GLE1: variants seen among roughly 807,000 people sequenced by gnomAD.
GLE1 encodes the protein mRNA export factor GLE1.
Under a neutral mutation model 97.3 loss-of-function variants are expected in GLE1, and 78 were observed. The observed-to-expected ratio is 0.80, with a 90% CI of 0.67 to 0.97. The LOEUF (loss-of-function observed/expected upper bound fraction) is 0.97. GLE1 is among the 50% of genes least tolerant of loss of function. The pLI is 0.00. For missense variants in GLE1, 753 were observed against 857.5 expected (o/e 0.88, Z 1.52); for synonymous variants, 302 against 313.4 (o/e 0.96, Z 0.39).
At chr9:128,533,453 GGAAA>G (rs1847588775) in intron 9 of GLE1, 56 bp from the exon 10 acceptor site, 10 of 879,456 alleles carry the variant, frequency 1.1e-5, no homozygotes, top group Non-Finnish European at 1.7e-5. Flanking sequence ...AAAAAAAAAA[GGAAA>G]AGAAAAAGAG....
intron 2 of GLE1, among the ~76,000 whole-genome samples, chr9:128,511,466 G>A (rs1461383615): frequency 6.6e-6 from 1 of 151,680 alleles, no homozygotes; most frequent in Non-Finnish European, 1.5e-5. Flanking sequence ...CCAGCACTTT[G>A]GGAGGCCAAG....
chr9:128,533,681 TG>T, intron 10 of GLE1, 26 bp downstream of exon 10: 1 of 1,613,810 alleles, frequency 6.2e-7, no homozygotes, highest in Non-Finnish European at 8.5e-7. Flanking sequence ...GCTAGAGGTA[TG>T]GGAAGCAGAG....
At chr9:128,506,764 A>G (rs1846651667) in intron 1 of GLE1, among the ~76,000 whole-genome samples, 1 of 152,242 alleles carries the variant, frequency 6.6e-6, no homozygotes, top group African/African-American at 2.4e-5. Flanking sequence ...TTGTGTGTAC[A>G]TATATATTAT....
chr9:128,523,850 A>AC lies in GLE1; in HGVS notation c.897+4_897+5insC, dbSNP rs539582386. The AC allele has an allele frequency of 4.0e-5, 65 of 1,613,800 alleles. No individual in the cohort carries two copies. The African/African-American group carries it at 8.3e-4, about 21-fold the overall frequency. On this transcript the variant is annotated splice_donor_region_variant and intron_variant, in intron 6 of 15. Transcript: ENST00000309971. ...GATCATCCGGGCCTCTTCAGAGGTG[A>AC]GGGGGGCTTCAGAGTGACTCTTTGC...
At chr9:128,520,140 C>G (rs1276430104) in intron 3 of GLE1, among the ~76,000 whole-genome samples, 1 of 151,914 alleles carries the variant, frequency 6.6e-6, no homozygotes, top group Admixed American at 6.6e-5. Flanking sequence ...AACCCAGCTA[C>G]TTGGGAGGCT....
At chr9:128,532,147 G>A (rs997908807) in intron 9 of GLE1, among the ~76,000 whole-genome samples, 6 of 145,872 alleles carry the variant, frequency 4.1e-5, no homozygotes, top group Non-Finnish European at 9.0e-5. Flanking sequence ...TGGAGATGCT[G>A]TATTAATTAA....
chr9:128,506,746 C>T (rs1260628828), intron 1 of GLE1, among the ~76,000 whole-genome samples: 1 of 151,540 alleles, frequency 6.6e-6, no homozygotes, highest in Non-Finnish European at 1.5e-5. Flanking sequence ...CATTTATGTA[C>T]TGTCTATTTG....
At chr9:128,536,852 G>A (rs1847727697) in intron 12 of GLE1, 2 of 227,196 alleles carry the variant, frequency 8.8e-6, no homozygotes, top group South Asian at 5.9e-5. Context: ...GACAGAACAA[G>A]CTCAGAAAGC....
chr9:128,516,925 A>G (rs781342445), intron 3 of GLE1, among the ~76,000 whole-genome samples: 1 of 151,538 alleles, frequency 6.6e-6, no homozygotes, highest in African/African-American at 2.4e-5. Context: ...TGCGCCCAGC[A>G]TGTATTTTTT....
In GLE1 at chr9:128,508,926, A is replaced by T. The variant is rs550698804; in HGVS notation, c.150A>T (p.Gly50=). ...TTCCCAAGCTATCTTCTTATTCTGG[A>T]TGGGTGGTAGAGCACGTCCTACCCC... ...MSLPKLSSYS[G]WVVEHVLPHM... The change falls in exon 2 of 16, where the codon GGA becomes GGT. Residue 50 remains glycine, a synonymous_variant. Transcript: ENST00000309971. The T allele has an allele frequency of 6.2e-7, 1 of 1,611,872 alleles. No individual in the cohort carries two copies. The highest frequency in any genetic ancestry group is 8.5e-7 in the Non-Finnish European group (1 of 1,178,110).
intron 12 of GLE1, among the ~76,000 whole-genome samples, chr9:128,537,303 A>C (rs1398094670): frequency 6.6e-6 from 1 of 151,836 alleles, no homozygotes; most frequent in Admixed American, 6.6e-5. Flanking sequence ...AAATACAAAA[A>C]TTAGCTGGGC....
At chr9:128,508,810 C>T (rs973529054) in intron 1 of GLE1, 66 bp from the exon 2 acceptor site, 4 of 892,314 alleles carry the variant, frequency 4.5e-6, no homozygotes, top group Admixed American at 1.7e-5. Context: ...TTCAGTAAGG[C>T]ATGTAGTGGA....
At chr9:128,506,789 A>G (rs1330160332) in intron 1 of GLE1, among the ~76,000 whole-genome samples, 1 of 152,228 alleles carries the variant, frequency 6.6e-6, no homozygotes, top group Non-Finnish European at 1.5e-5. Flanking sequence ...CCATGACTTC[A>G]TACTGATAAA....
intron 9 of GLE1, among the ~76,000 whole-genome samples, chr9:128,533,197 G>A (rs906671142): frequency 6.6e-6 from 1 of 151,884 alleles, no homozygotes; most frequent in Non-Finnish European, 1.5e-5. Context: ...GCCAAAGCGG[G>A]CGGATCACTT....
At chr9:128,508,787 G>A in intron 1 of GLE1, 89 bp from the exon 2 acceptor site, 2 of 801,534 alleles carry the variant, frequency 2.5e-6, no homozygotes, top group South Asian at 2.7e-5. Context: ...ATTTATTTAG[G>A]CCTTCTTAGA....
At chr9:128,536,044 C>CT (rs925080715) in intron 11 of GLE1, among the ~76,000 whole-genome samples, 7 of 151,804 alleles carry the variant, frequency 4.6e-5, no homozygotes, top group East Asian at 1.9e-4. Context: ...TTTCTTATTT[C>CT]TTTTTTTTGA....
At chr9:128,508,833 C>G (rs1423583571) in intron 1 of GLE1, 43 bp from the exon 2 acceptor site, 1 of 1,097,766 alleles carries the variant, frequency 9.1e-7, no homozygotes, top group Non-Finnish European at 1.4e-6. Context: ...ATACTGAGAA[C>G]AGTTGACGTG....
At chr9:128,526,904 G>A (rs528354128) in intron 7 of GLE1, among the ~76,000 whole-genome samples, 4 of 152,130 alleles carry the variant, frequency 2.6e-5, no homozygotes, top group Non-Finnish European at 4.4e-5. Flanking sequence ...TCCTGGGCCT[G>A]TCTTGGCCTC....
In GLE1 at chr9:128,527,167, T is replaced by C; in HGVS notation, c.1130-12T>C. 1 of 1,465,096 alleles carries C rather than the reference T, an allele frequency of 6.8e-7. No homozygotes were observed. The highest frequency in any genetic ancestry group is 9.6e-7 in the Non-Finnish European group (1 of 1,043,926). The allele number at this position is 1,465,096 out of a possible 1,614,324, so 90.8% of individuals were successfully genotyped here. ...TACTAGCTATTACTAAAACCTCTCT[T>C]TTATTTCTCAGACCTCCAGGTGAAG... On this transcript the variant is annotated splice_polypyrimidine_tract_variant and intron_variant, in intron 7 of 15. Coordinates refer to ENST00000309971, the MANE Select transcript of GLE1 (RefSeq NM_001003722.2).
Sources: gnomAD v4.1 joint callset for allele counts (sites outside exome capture counted in the v4.1 genomes callset) on GRCh38, gnomAD v4.1.1 for gene constraint, MANE v1.5 for transcripts, NCBI Gene and HGNC (gene_info 2026-07-23, HGNC 2026-07-21) for gene names.